CSMD1: variants seen among roughly 807,000 people sequenced by gnomAD.
CSMD1 encodes CUB and sushi domain-containing protein 1.
Under a neutral mutation model 417.5 loss-of-function variants are expected in CSMD1, and 213 were observed. The observed-to-expected ratio is 0.51, with a 90% confidence interval of 0.46 to 0.57. The LOEUF (loss-of-function observed/expected upper bound fraction) is 0.57. Among genes scored for constraint, CSMD1 ranks in the 20% least tolerant of loss-of-function variants. The pLI is 0.00. For synonymous variants in CSMD1, 2,862 were observed against 1,736.8 expected (o/e 1.65, Z -16.11); for missense variants, 6,923 against 4,529.7 (o/e 1.53, Z -15.17).
chr8:4,726,019 T>C (rs1809413405), intron 1 of CSMD1, among the ~76,000 whole-genome samples: 1 of 152,282 alleles, frequency 6.6e-6, no homozygotes, highest in Non-Finnish European at 1.5e-5. Context: ...TTTCTCATAA[T>C]GGATTTTTCT....
intron 1 of CSMD1, among the ~76,000 whole-genome samples, chr8:4,967,092 T>A (rs1441532550): frequency 6.6e-6 from 1 of 152,228 alleles, no homozygotes; most frequent in Non-Finnish European, 1.5e-5. Flanking sequence ...TTGAAATGTC[T>A]GAGCAGATAA....
chr8:3,715,237 C>T (rs150154246), intron 6 of CSMD1, among the ~76,000 whole-genome samples: 4 of 152,082 alleles, frequency 2.6e-5, no homozygotes, highest in Admixed American at 2.0e-4. Context: ...TCTAAGTAAG[C>T]GTTGAGCCAA....
chr8:4,482,162 G>A (rs77986837), intron 2 of CSMD1, among the ~76,000 whole-genome samples: 11,036 of 152,100 alleles, frequency 0.073, 605 homozygotes, highest in Admixed American at 0.18. Flanking sequence ...CTTGTGTCAT[G>A]GGGGTTTGCT....
At chr8:3,733,520 C>G (rs573448700) in intron 6 of CSMD1, among the ~76,000 whole-genome samples, 6 of 152,082 alleles carry the variant, frequency 3.9e-5, no homozygotes, top group African/African-American at 7.2e-5. Flanking sequence ...TGAAAATATT[C>G]AACGAAAAAT....
At chr8:4,543,500 A>T (rs972100371) in intron 2 of CSMD1, among the ~76,000 whole-genome samples, 3 of 151,976 alleles carry the variant, frequency 2.0e-5, no homozygotes, top group African/African-American at 7.3e-5. Flanking sequence ...AATAATTTTG[A>T]TTATCTGTAT....
intron 12 of CSMD1, among the ~76,000 whole-genome samples, chr8:3,443,557 G>T (rs751570921): frequency 2.2e-4 from 34 of 152,146 alleles, no homozygotes; most frequent in Non-Finnish European, 4.0e-4. Context: ...GTATTTACAG[G>T]GGGAAAGTGA....
chr8:2,980,590 G>T (rs1805320635), intron 54 of CSMD1, among the ~76,000 whole-genome samples: 1 of 151,086 alleles, frequency 6.6e-6, no homozygotes, highest in Admixed American at 6.6e-5. Flanking sequence ...ACAGGATCCA[G>T]TCACACCCTT....
intron 5 of CSMD1, among the ~76,000 whole-genome samples, chr8:3,813,456 A>T (rs1801196763): frequency 6.6e-6 from 1 of 152,148 alleles, no homozygotes; most frequent in Admixed American, 6.5e-5. Context: ...TAAGCATGGT[A>T]TTTAGTAATG....
intron 15 of CSMD1, among the ~76,000 whole-genome samples, chr8:3,404,428 G>T (rs1474469409): frequency 6.6e-6 from 1 of 151,982 alleles, no homozygotes; most frequent in Non-Finnish European, 1.5e-5. Flanking sequence ...AGGTGGTGAA[G>T]GATCATGCCC....
chr8:3,717,784 T>C (rs2623558), intron 6 of CSMD1, among the ~76,000 whole-genome samples: 54,703 of 152,078 alleles, frequency 0.36, 10,383 homozygotes, highest in East Asian at 0.5. Context: ...AAGGTATTTT[T>C]AATAGATTAT....
chr8:3,086,418 T>A (rs2129005761), intron 49 of CSMD1, among the ~76,000 whole-genome samples: 1 of 152,094 alleles, frequency 6.6e-6, no homozygotes, highest in African/African-American at 2.4e-5. Flanking sequence ...TACCAGAAAA[T>A]CTAATATCTA....
intron 1 of CSMD1, among the ~76,000 whole-genome samples, chr8:4,755,398 T>C (rs937449244): frequency 1.3e-5 from 2 of 152,234 alleles, no homozygotes; most frequent in Admixed American, 1.3e-4. Flanking sequence ...TCTCCTGAAA[T>C]ACTTGGTTCT....
intron 10 of CSMD1, among the ~76,000 whole-genome samples, chr8:3,556,519 CACA>C: frequency 1.1e-5 from 1 of 90,616 alleles, no homozygotes. Context: ...TTCACACGCA[CACA>C]CACACACACA....
At chr8:4,353,038 A>G (rs1284458662) in intron 3 of CSMD1, among the ~76,000 whole-genome samples, 1 of 152,196 alleles carries the variant, frequency 6.6e-6, no homozygotes, top group African/African-American at 2.4e-5. Flanking sequence ...GAGTCTTAAT[A>G]TATTAGATTG....
At chr8:4,105,094 G>T (rs751244730) in intron 3 of CSMD1, among the ~76,000 whole-genome samples, 1 of 152,086 alleles carries the variant, frequency 6.6e-6, no homozygotes, top group Non-Finnish European at 1.5e-5. Context: ...AGCAAGGGAG[G>T]GTTTTAATGT....
intron 3 of CSMD1, among the ~76,000 whole-genome samples, chr8:4,163,451 T>A (rs1240706683): frequency 6.6e-6 from 1 of 152,252 alleles, no homozygotes; most frequent in Non-Finnish European, 1.5e-5. Context: ...TTTACGTTTG[T>A]ATTTTAATGT....
At chr8:4,061,597 C>T (rs1424103665) in intron 3 of CSMD1, among the ~76,000 whole-genome samples, 1 of 152,158 alleles carries the variant, frequency 6.6e-6, no homozygotes. Flanking sequence ...TTGTCTGGTT[C>T]CAGACACTAG....
chr8:3,536,090 G>T (rs190334493), intron 10 of CSMD1, among the ~76,000 whole-genome samples: 2 of 152,194 alleles, frequency 1.3e-5, no homozygotes, highest in Non-Finnish European at 2.9e-5. Flanking sequence ...TCCCCAAGTA[G>T]CTGATAAATA....
chr8:3,048,862 T>C (rs752922927), intron 50 of CSMD1, among the ~76,000 whole-genome samples: 16 of 136,652 alleles, frequency 1.2e-4, no homozygotes, highest in Non-Finnish European at 2.4e-4. Flanking sequence ...ATCTAAACTA[T>C]ATAAAGAACT....
Sources: gnomAD v4.1 joint callset for allele counts (sites outside exome capture counted in the v4.1 genomes callset) on GRCh38, gnomAD v4.1.1 for gene constraint, MANE v1.5 for transcripts, NCBI Gene and HGNC (gene_info 2026-07-23, HGNC 2026-07-21) for gene names.